The following NOL4L variants were observed in gnomAD, a reference collection of about 807,000 sequenced individuals.
The protein encoded by NOL4L is nucleolar protein 4 like, also known as nucleolar protein 4-like.
A neutral mutation model predicts 64.5 loss-of-function variants in NOL4L; 7 were observed. That is an observed-to-expected ratio of 0.11 (90% CI 0.06 to 0.20). The LOEUF is 0.20. NOL4L is among the 10% of genes least tolerant of loss of function. The pLI is 1.00. For missense variants in NOL4L, 680 were observed against 967.1 expected (o/e 0.70, Z 3.94); for synonymous variants, 413 against 401.0 (o/e 1.03, Z -0.36).
chr20:32,581,010 T>G (rs1600895783), intron 1 of NOL4L, among the ~76,000 whole-genome samples: 1 of 152,366 alleles, frequency 6.6e-6, no homozygotes, highest in East Asian at 1.9e-4. Flanking sequence ...CTTCCCCCGC[T>G]TGGCAGCCCA....
chr20:32,539,171 C>T (rs1005096262), intron 1 of NOL4L, among the ~76,000 whole-genome samples: 1 of 152,182 alleles, frequency 6.6e-6, no homozygotes, highest in South Asian at 2.1e-4. Flanking sequence ...TCTGCCTGCT[C>T]CAGCAAAGCA....
intron 5 of NOL4L, among the ~76,000 whole-genome samples, chr20:32,458,850 A>G (rs144106914): frequency 1.1e-4 from 17 of 151,634 alleles, no homozygotes; most frequent in African/African-American, 4.1e-4. Flanking sequence ...CCCACCACCC[A>G]CCTCCCAATC....
chr20:32,478,273 A>ACACTCT (rs1373957221), intron 4 of NOL4L, among the ~76,000 whole-genome samples: 3 of 143,332 alleles, frequency 2.1e-5, no homozygotes, highest in African/African-American at 5.3e-5. Flanking sequence ...ACACACACAC[A>ACACTCT]CTCTCTCTCT....
At chr20:32,461,202 T>TAAC (rs1414913537) in intron 5 of NOL4L, among the ~76,000 whole-genome samples, 11 of 152,198 alleles carry the variant, frequency 7.2e-5, no homozygotes, top group Non-Finnish European at 1.6e-4. Flanking sequence ...GGTCCCTCCT[T>TAAC]TGGGCCCACC....
chr20:32,552,750 C>T (rs1369465375), intron 1 of NOL4L, among the ~76,000 whole-genome samples: 1 of 152,188 alleles, frequency 6.6e-6, no homozygotes, highest in Non-Finnish European at 1.5e-5. Context: ...CGCCTGTAAT[C>T]CCAGCACTTT....
At chr20:32,461,445 C>T (rs1272303627) in intron 5 of NOL4L, among the ~76,000 whole-genome samples, 3 of 126,006 alleles carry the variant, frequency 2.4e-5, no homozygotes, top group Non-Finnish European at 4.8e-5. Flanking sequence ...TTTTTTGAGA[C>T]GGAGTCTTGC....
At chr20:32,570,803 C>A (rs1222940094) in intron 1 of NOL4L, among the ~76,000 whole-genome samples, 2 of 152,164 alleles carry the variant, frequency 1.3e-5, no homozygotes, top group African/African-American at 4.8e-5. Flanking sequence ...TATATATGCA[C>A]AATAATAATT....
At chr20:32,462,949 C>A (rs958021258) in intron 5 of NOL4L, among the ~76,000 whole-genome samples, 1 of 135,214 alleles carries the variant, frequency 7.4e-6, no homozygotes, top group African/African-American at 2.7e-5. Context: ...CATCGACAGG[C>A]GCACAAACCC....
At chr20:32,488,809 CTT>C (rs1162192326) in intron 4 of NOL4L, among the ~76,000 whole-genome samples, 3 of 25,652 alleles carry the variant, frequency 1.2e-4, no homozygotes, top group East Asian at 4.5e-3. Flanking sequence ...CTTTCTTTTT[CTT>C]TCTTTCTTTC....
At chr20:32,492,171 T>A (rs770231619) in intron 4 of NOL4L, among the ~76,000 whole-genome samples, 2 of 152,146 alleles carry the variant, frequency 1.3e-5, no homozygotes, top group Admixed American at 6.5e-5. Context: ...GCAGCACTAT[T>A]CACAACAGCT....
At chr20:32,549,444 T>C (rs912775044) in intron 1 of NOL4L, among the ~76,000 whole-genome samples, 14 of 152,026 alleles carry the variant, frequency 9.2e-5, no homozygotes, top group Admixed American at 6.6e-4. Context: ...ATGGCTCTAA[T>C]CAAAAAGACA....
In NOL4L at chr20:32,485,078, A is replaced by AAAAAAAAAAAAAAAAAAAAAAAAG. The variant is rs1568643165; in HGVS notation, c.700-10337_700-10336insCTTTTTTTTTTTTTTTTTTTTTTT. Among the ~76,000 whole-genome samples, 2 of 147,716 alleles carry AAAAAAAAAAAAAAAAAAAAAAAAG rather than the reference A, an allele frequency of 1.4e-5. 1 individual carries two copies. The highest frequency in any genetic ancestry group is 3.0e-5 in the Non-Finnish European group (2 of 67,212). On this transcript the variant is annotated intron_variant, in intron 4 of 10. Coordinates refer to ENST00000621426, the MANE Select transcript of NOL4L (RefSeq NM_001256798.2). ...ATTGCCAAAAAAAAAAAAAAAAAAA[A>AAAAAAAAAAAAAAAAAAAAAAAAG]AAAAAAAAACAACTAAAAAAAAACC...
intron 1 of NOL4L, among the ~76,000 whole-genome samples, chr20:32,557,228 C>A (rs1283320260): frequency 6.6e-6 from 1 of 152,378 alleles, no homozygotes. Context: ...AGCAGCCTCC[C>A]CGCTACCGTC....
chr20:32,569,382 A>G (rs748866279), intron 1 of NOL4L, among the ~76,000 whole-genome samples: 3 of 152,208 alleles, frequency 2.0e-5, no homozygotes, highest in Non-Finnish European at 4.4e-5. Context: ...GAGAAGGAAC[A>G]TGGTCAGGTT....
intron 4 of NOL4L, among the ~76,000 whole-genome samples, chr20:32,505,500 A>C (rs2017102711): frequency 6.6e-6 from 1 of 152,212 alleles, no homozygotes; most frequent in Non-Finnish European, 1.5e-5. Context: ...TGAGATGGGC[A>C]GATCGCTTGA....
In NOL4L at chr20:32,453,676, G is replaced by A. The variant is rs771320827; in HGVS notation, c.1205C>T (p.Pro402Leu). The A allele has an allele frequency of 1.1e-5, 17 of 1,574,008 alleles. No individual in the cohort carries two copies. Among genetic ancestry groups the A allele is most frequent in the East Asian group, 7.1e-5 (3 of 42,260 alleles). ...GTCATCGTCGTCATCATCTGCCGTC[G>A]GGGCCCGGCCCACTGTCAGGTCCTC... ...CPEDLTVGRA[P>L]TADDDDDDHD... Residue 402 changes from proline (P) to leucine (L), a missense_variant, in exon 7 of 11, where the codon CCG becomes CTG. Transcript: ENST00000621426. This position sits in a 1 kb window ranked among gnomAD's most constrained non-coding sequence, Gnocchi z 5.6.
intron 1 of NOL4L, among the ~76,000 whole-genome samples, chr20:32,537,601 C>A (rs140324290): frequency 6.6e-6 from 1 of 152,336 alleles, no homozygotes; most frequent in Non-Finnish European, 1.5e-5. Flanking sequence ...AACTACTGGG[C>A]TCCATTAGTC....
At chr20:32,546,035 G>A (rs1298310233) in intron 1 of NOL4L, among the ~76,000 whole-genome samples, 2 of 148,688 alleles carry the variant, frequency 1.3e-5, no homozygotes, top group Admixed American at 6.9e-5. Flanking sequence ...TGCAACCTCC[G>A]CCTCCTTGGT....
chr20:32,488,851 CTTTCT>C (rs2016309527), intron 4 of NOL4L, among the ~76,000 whole-genome samples: 1 of 70,698 alleles, frequency 1.4e-5, no homozygotes, highest in African/African-American at 8.7e-5. Context: ...TTCTTTCTTT[CTTTCT>C]TTCTTTCTTT....
Sources: allele counts gnomAD v4.1 joint callset (sites outside exome capture counted in the v4.1 genomes callset), GRCh38; gene constraint gnomAD v4.1.1; non-coding constraint Gnocchi (gnomAD v3.1); transcripts MANE v1.5; gene names NCBI Gene and HGNC (gene_info 2026-07-23, HGNC 2026-07-21).